PHIP: variants seen among roughly 807,000 people sequenced by gnomAD.
PHIP encodes PH-interacting protein.
In PHIP, 54 loss-of-function variants were observed where a neutral mutation model predicts 236.8. The ratio of observed to expected loss-of-function variants is 0.23; its 90% CI spans 0.18 to 0.29. PHIP has a LOEUF of 0.29. Ranked by LOEUF, PHIP falls within the 10% of genes least tolerant of loss-of-function variation. PHIP has a pLI of 1.00. For synonymous variants in PHIP, 756 were observed against 718.9 expected (o/e 1.05, Z -0.83); for missense variants, 1,370 against 2,190.8 (o/e 0.63, Z 7.48).
chr6:78,959,849 A>G (rs1766661882), intron 31 of PHIP, among the ~76,000 whole-genome samples: 1 of 152,148 alleles, frequency 6.6e-6, no homozygotes, highest in African/African-American at 2.4e-5. Context: ...CTGTAAATTC[A>G]AAATACCATT....
intron 39 of PHIP, among the ~76,000 whole-genome samples, chr6:78,943,990 TAAAAAAAA>T (rs558983037): frequency 1.3e-5 from 1 of 78,144 alleles, no homozygotes; most frequent in African/African-American, 5.2e-5. Context: ...TGTCTTTTTT[TAAAAAAAA>T]AAAAAAAAAA....
rs185503632 is a variant in PHIP at position 79,063,636 on chromosome 6, C to T, written c.190-2818G>A. On this transcript the variant is annotated intron_variant, in intron 4 of 39. Transcript: ENST00000275034. ...TTTGCCATGTTGACCAGGCTGGTCTCGAACTTCTGACCTCAAGTAATTCGC... is the reference window on the plus strand; with the variant it reads ...TTTGCCATGTTGACCAGGCTGGTCTTGAACTTCTGACCTCAAGTAATTCGC... Among the ~76,000 whole-genome samples, 106 of 152,190 alleles carry T rather than the reference C, an allele frequency of 7.0e-4. 1 individual carries two copies. In the South Asian group the frequency reaches 9.1e-3, roughly 13 times the overall value.
Position 78,946,616 on chromosome 6 carries a change from T to C in PHIP, c.4370+95A>G, listed in dbSNP as rs1001825654. ...CATGTCAAATTATCATTCTGCAATA[T>C]AGGGAATAGTAAAGGAAGTATTAAA... On this transcript the variant is annotated intron_variant, in intron 37 of 39. Coordinates refer to ENST00000275034, the MANE Select transcript of PHIP (RefSeq NM_017934.7). 2.5e-5 allele frequency: 36 copies of C among 1,454,840 alleles called. No homozygotes were observed. The East Asian group carries it at 4.0e-4, about 16-fold the overall frequency. The allele number at this position is 1,454,840 out of a possible 1,614,324, so 90.1% of individuals were successfully genotyped here.
At chr6:79,024,535 T>A (rs1359124486) in intron 9 of PHIP, among the ~76,000 whole-genome samples, 1 of 152,188 alleles carries the variant, frequency 6.6e-6, no homozygotes, top group East Asian at 1.9e-4. Context: ...CTGGGCACGG[T>A]GGCTCATGCC....
At chr6:78,964,952 TACAA>T (rs1178156034) in intron 29 of PHIP, among the ~76,000 whole-genome samples, 1 of 152,212 alleles carries the variant, frequency 6.6e-6, no homozygotes, top group Non-Finnish European at 1.5e-5. Context: ...TTGTATTTTT[TACAA>T]ACAAACAAAA....
At chr6:79,077,955 G>A (rs1345601751) in intron 1 of PHIP, 42 bp from the exon 2 acceptor site, 2 of 1,587,644 alleles carry the variant, frequency 1.3e-6, no homozygotes, top group Admixed American at 3.5e-5. Context: ...AGGCTGAGCG[G>A]TCGGGCGGCG....
At chr6:78,998,516 C>A in intron 17 of PHIP, 125 bp from the exon 18 acceptor site, 2 of 601,724 alleles carry the variant, frequency 3.3e-6, no homozygotes, top group Admixed American at 3.3e-5. Context: ...CTTAAATGAT[C>A]AACTATAAAT....
chr6:78,949,901 C>T (rs185823576), intron 35 of PHIP, among the ~76,000 whole-genome samples: 208 of 152,206 alleles, frequency 1.4e-3, no homozygotes, highest in African/African-American at 4.6e-3. Flanking sequence ...ATTGCTCAGA[C>T]TGGTCTCAAA....
intron 20 of PHIP, 59 bp from the exon 21 acceptor site, chr6:78,988,408 T>A: frequency 7.7e-7 from 1 of 1,293,932 alleles, no homozygotes; most frequent in Non-Finnish European, 1.0e-6. Context: ...ATTTTTAGTT[T>A]AAAAGTTAAA....
intron 30 of PHIP, 41 bp from the exon 31 acceptor site, chr6:78,961,851 C>A (rs1215499767): frequency 2.0e-6 from 3 of 1,469,170 alleles, no homozygotes; most frequent in Admixed American, 2.0e-5. Context: ...TTTTTGTATG[C>A]CTAAAATAAT....
At chr6:79,028,444 C>T (rs1402055004) in intron 7 of PHIP, among the ~76,000 whole-genome samples, 1 of 152,082 alleles carries the variant, frequency 6.6e-6, no homozygotes, top group East Asian at 1.9e-4. Context: ...GTTATAACAG[C>T]TGTTTGGGGA....
intron 7 of PHIP, among the ~76,000 whole-genome samples, chr6:79,032,261 G>C (rs1771714377): frequency 1.3e-5 from 2 of 152,218 alleles, no homozygotes. Context: ...GGTTGGGGTA[G>C]CTGTGACAAC....
At chr6:78,963,504 C>A (rs1766929237) in intron 29 of PHIP, among the ~76,000 whole-genome samples, 1 of 152,028 alleles carries the variant, frequency 6.6e-6, no homozygotes, top group Non-Finnish European at 1.5e-5. Flanking sequence ...GCTCTGTAAT[C>A]AAGTACATGT....
At chr6:78,972,104 A>T (rs2127707538) in intron 24 of PHIP, among the ~76,000 whole-genome samples, 1 of 152,206 alleles carries the variant, frequency 6.6e-6, no homozygotes, top group East Asian at 1.9e-4. Flanking sequence ...GACAGCAGTA[A>T]CCTCTGCAGA....
chr6:79,029,791 A>G (rs1336551182), intron 7 of PHIP, among the ~76,000 whole-genome samples: 1 of 152,178 alleles, frequency 6.6e-6, no homozygotes, highest in Non-Finnish European at 1.5e-5. Flanking sequence ...TGGCCTCCCA[A>G]CGTGCTGGGA....
intron 16 of PHIP, among the ~76,000 whole-genome samples, chr6:79,002,727 A>G (rs1010098652): frequency 6.6e-6 from 1 of 152,096 alleles, no homozygotes; most frequent in African/African-American, 2.4e-5. Flanking sequence ...GCTATTCAAT[A>G]TTCAATTTTA....
At chr6:79,056,754 T>C (rs1310446304) in intron 6 of PHIP, among the ~76,000 whole-genome samples, 2 of 152,084 alleles carry the variant, frequency 1.3e-5, no homozygotes, top group Non-Finnish European at 2.9e-5. Context: ...CTAGGATACA[T>C]ACAGGAATAG....
chr6:78,941,028 G>C lies in PHIP; in HGVS notation c.5131C>G (p.Arg1711Gly), dbSNP rs1773474834. Residue 1711 changes from arginine (R) to glycine (G), a missense_variant, in exon 40 of 40, where the codon CGT becomes GGT. This residue lies in a region of PHIP where 309 missense variants were observed against 328.3 expected (regional missense o/e 0.94). Transcript: ENST00000275034. The part of the protein sequence containing the change: ...VKEDLLQKKN[R>G]GGRKPKRKMK... ...TTCCTTTTGGGCTTCCTACCTCCAC[G>C]ATTCTTTTTCTGTAACAAATCTTCC... 2 of 1,613,684 alleles carry C rather than the reference G, an allele frequency of 1.2e-6. No homozygotes were observed. The highest frequency in any genetic ancestry group is 8.5e-7 in the Non-Finnish European group (1 of 1,179,770).
In PHIP at chr6:79,003,737, T is replaced by A; in HGVS notation, c.1646A>T (p.Tyr549Phe). 6.2e-7 allele frequency: 1 copy of A among 1,603,518 alleles called. No individual in the cohort carries two copies. Reference protein sequence around the residue: ...LIFGFGSSSKYDKIADQMFFH... With the variant: ...LIFGFGSSSKFDKIADQMFFH... ...ATAGTCATCATACTCTACCTTGTCA[T>A]ATTTGCTACTGGACCCAAAGCCAAA... Residue 549 changes from tyrosine to phenylalanine, a missense_variant, in exon 16 of 40, where the codon TAT becomes TTT. Physicochemically the swap from Tyr to Phe is conservative, Grantham distance 22. Around this residue, in one of 14 missense-constraint regions of PHIP, gnomAD observed 2 missense variants for 34.5 expected, o/e 0.06. Coordinates refer to ENST00000275034, the MANE Select transcript of PHIP (RefSeq NM_017934.7).
Sources: gnomAD v4.1 joint callset for allele counts (sites outside exome capture counted in the v4.1 genomes callset) on GRCh38, gnomAD v4.1.1 for gene constraint, gnomAD v4.1.1 regional missense constraint, MANE v1.5 for transcripts, NCBI Gene and HGNC (gene_info 2026-07-23, HGNC 2026-07-21) for gene names.